EYA4: variants seen among roughly 807,000 people sequenced by gnomAD.
EYA4 encodes the protein EYA transcriptional coactivator and phosphatase 4.
EYA4 carries 31 observed loss-of-function variants against 87.9 expected under a neutral mutation model. That is an observed-to-expected ratio of 0.35 (90% CI 0.27 to 0.48). The LOEUF (loss-of-function observed/expected upper bound fraction) is 0.48. Among genes scored for constraint, EYA4 ranks in the 20% least tolerant of loss-of-function variants. EYA4 has a pLI of 0.99. For synonymous variants in EYA4, 263 were observed against 270.6 expected (o/e 0.97, Z 0.28); for missense variants, 678 against 761.4 (o/e 0.89, Z 1.29).
At chr6:133,466,502 C>G in intron 10 of EYA4, among the ~76,000 whole-genome samples, 1 of 152,086 alleles carries the variant, frequency 6.6e-6, no homozygotes. Context: ...ATTCCTGCCT[C>G]ATAGAGCTTA....
At chr6:133,369,413 A>G (rs1334962410) in intron 2 of EYA4, among the ~76,000 whole-genome samples, 1 of 152,104 alleles carries the variant, frequency 6.6e-6, no homozygotes, top group African/African-American at 2.4e-5. Flanking sequence ...ATTACATAAA[A>G]TGTTAACATC....
At chr6:133,440,851 G>A (rs1792205845) in intron 3 of EYA4, among the ~76,000 whole-genome samples, 1 of 152,102 alleles carries the variant, frequency 6.6e-6, no homozygotes, top group Non-Finnish European at 1.5e-5. Flanking sequence ...GTAAAGAGAA[G>A]ACATATAATA....
chr6:133,431,200 T>C (rs574218448), intron 3 of EYA4, among the ~76,000 whole-genome samples: 1 of 152,246 alleles, frequency 6.6e-6, no homozygotes, highest in Admixed American at 6.5e-5. Context: ...GTGTGCCATA[T>C]AAGGAAGCAA....
At chr6:133,315,053 TGTCTAAGCTGAGGG>T (rs1780519770) in intron 2 of EYA4, among the ~76,000 whole-genome samples, 1 of 152,136 alleles carries the variant, frequency 6.6e-6, no homozygotes, top group Admixed American at 6.5e-5. Context: ...GAAAACCACA[TGTCTAAGCTGAGGG>T]GAAATTCACC....
In EYA4 at chr6:133,336,509, C is replaced by T. The variant is rs113837264; in HGVS notation, c.34-45883C>T. On this transcript the variant is annotated intron_variant, in intron 2 of 19. Coordinates refer to ENST00000355286, the MANE Select transcript of EYA4 (RefSeq NM_004100.5). ...GAAATGGAGGATGAATTAAATTATA[C>T]CATAAGGTGAGACATTCTATAAGAA... 9.0e-3 allele frequency among the ~76,000 whole-genome samples: 1,364 copies of T among 152,234 alleles called. 21 individuals are homozygous for T. Among genetic ancestry groups the T allele is most frequent in the African/African-American group, 0.032 (1,313 of 41,530 alleles).
intron 2 of EYA4, among the ~76,000 whole-genome samples, chr6:133,350,166 A>G: frequency 6.6e-6 from 1 of 152,100 alleles, no homozygotes; most frequent in Non-Finnish European, 1.5e-5. Flanking sequence ...TAATTGAACC[A>G]AAAAATGAAC....
At chr6:133,378,365 A>ATT (rs1785886805) in intron 2 of EYA4, among the ~76,000 whole-genome samples, 1 of 152,112 alleles carries the variant, frequency 6.6e-6, no homozygotes, top group East Asian at 1.9e-4. Flanking sequence ...ATTAAATGAG[A>ATT]TTATATATAT....
At position 133,525,237 on chromosome 6, in the gene EYA4, G is replaced by C. The variant is rs1173508611; in HGVS notation, c.1822G>C (p.Glu608Gln). ...YVVIGDGVEE[E>Q]QAAKKHNMPF... Reference sequence around the variant, plus strand: ...TGTAATTGGGGATGGTGTAGAAGAAGAACAGGCAGCAAAAAAGGTAACCTG... The same window carrying C: ...TGTAATTGGGGATGGTGTAGAAGAACAACAGGCAGCAAAAAAGGTAACCTG... The change falls in exon 19 of 20, where the codon GAA (glutamate) becomes CAA (glutamine). Residue 608 changes from glutamate to glutamine, a missense_variant. By Grantham distance (29) the Glu-to-Gln change is conservative. Transcript: ENST00000355286. 5.0e-6 allele frequency: 8 copies of C among 1,613,414 alleles called. No individual in the cohort carries two copies. Among genetic ancestry groups the C allele is most frequent in the Admixed American group, 3.3e-5 (2 of 59,906 alleles).
At chr6:133,276,988 A>C (rs776361138) in intron 2 of EYA4, among the ~76,000 whole-genome samples, 1 of 152,176 alleles carries the variant, frequency 6.6e-6, no homozygotes, top group Non-Finnish European at 1.5e-5. Context: ...ATATGATTCT[A>C]AATTTTGTGG....
At chr6:133,461,026 G>A (rs531431337) in intron 6 of EYA4, 88 bp from the exon 7 acceptor site, 1 of 876,878 alleles carries the variant, frequency 1.1e-6, no homozygotes, top group South Asian at 1.3e-5. Context: ...TATTTAACAT[G>A]GTAATTTCTT....
At chr6:133,510,522 C>T in intron 14 of EYA4, 1 of 278,146 alleles carries the variant, frequency 3.6e-6, no homozygotes, top group East Asian at 9.5e-5. Flanking sequence ...AAAATCTCTC[C>T]ACTCTTTTCC....
At chr6:133,297,968 A>G (rs1467847489) in intron 2 of EYA4, among the ~76,000 whole-genome samples, 2 of 151,958 alleles carry the variant, frequency 1.3e-5, no homozygotes, top group Non-Finnish European at 2.9e-5. Flanking sequence ...TACTTATTAC[A>G]CCGAGGCTAC....
At chr6:133,273,549 G>A (rs1044244502) in intron 1 of EYA4, among the ~76,000 whole-genome samples, 7 of 151,966 alleles carry the variant, frequency 4.6e-5, no homozygotes, top group Non-Finnish European at 7.4e-5. Flanking sequence ...CATTTAAATT[G>A]TATTTTCAGA....
chr6:133,443,283 T>C (rs1298631819), intron 3 of EYA4, among the ~76,000 whole-genome samples: 2 of 151,992 alleles, frequency 1.3e-5, no homozygotes, highest in Admixed American at 1.3e-4. Flanking sequence ...GGTTTTTTGA[T>C]AAATATTTAA....
intron 2 of EYA4, among the ~76,000 whole-genome samples, chr6:133,288,938 G>A (rs1778275588): frequency 6.6e-6 from 1 of 152,158 alleles, no homozygotes; most frequent in African/African-American, 2.4e-5. Context: ...CCTTCAAAAG[G>A]AAGTCCCAAG....
In EYA4 at chr6:133,481,618, A is replaced by T. The variant is rs1562471490; in HGVS notation, c.1107+19A>T. 17 of 1,613,072 alleles carry T rather than the reference A, an allele frequency of 1.1e-5. No homozygotes were observed. Among genetic ancestry groups the T allele is most frequent in the Non-Finnish European group, 1.3e-5 (15 of 1,179,088 alleles). ...CCTGGAGGTATGCCTACTCATTCTTAAAGATTGTAGTGTGATGCTTTATTT... is the reference window on the plus strand; with the variant it reads ...CCTGGAGGTATGCCTACTCATTCTTTAAGATTGTAGTGTGATGCTTTATTT... On this transcript the variant is annotated intron_variant, in intron 12 of 19. Transcript: ENST00000355286.
At chr6:133,418,380 T>C (rs1789927338) in intron 3 of EYA4, among the ~76,000 whole-genome samples, 1 of 152,168 alleles carries the variant, frequency 6.6e-6, no homozygotes, top group African/African-American at 2.4e-5. Context: ...TTAGACATCT[T>C]ACAAATCTCC....
chr6:133,491,603 G>A (rs1356055657), intron 13 of EYA4, among the ~76,000 whole-genome samples: 3 of 152,048 alleles, frequency 2.0e-5, no homozygotes, highest in African/African-American at 7.2e-5. Context: ...GAATCATGAA[G>A]AAGTCCAAAA....
chr6:133,308,382 AT>A (rs1232329004), intron 2 of EYA4, among the ~76,000 whole-genome samples: 1 of 152,226 alleles, frequency 6.6e-6, no homozygotes, highest in Non-Finnish European at 1.5e-5. Context: ...AAATTCAGTA[AT>A]TAAAAAAAAC....
Sources: gnomAD v4.1 joint callset for allele counts (sites outside exome capture counted in the v4.1 genomes callset) on GRCh38, gnomAD v4.1.1 for gene constraint, MANE v1.5 for transcripts, NCBI Gene and HGNC (gene_info 2026-07-23, HGNC 2026-07-21) for gene names.